The following PTCH1 variants were observed in gnomAD, a reference collection of about 807,000 sequenced individuals.
PTCH1 encodes the protein patched 1, also known as protein patched homolog 1.
Under a neutral mutation model 144.6 loss-of-function variants are expected in PTCH1, and 14 were observed. The observed-to-expected ratio is 0.10, with a 90% CI of 0.06 to 0.15. The LOEUF is 0.15. Among genes scored for constraint, PTCH1 ranks in the 10% least tolerant of loss-of-function variants. The pLI is 1.00. For synonymous variants in PTCH1, 833 were observed against 793.6 expected, an observed-to-expected ratio of 1.05 and a Z score of -0.83; for missense variants, 1,623 against 1,948.3, an observed-to-expected ratio of 0.83 and a Z score of 3.14.
rs1047468351 is a variant in PTCH1, at chr9:95,445,093, C to T, written c.*1300G>A. On this transcript the variant is annotated 3_prime_UTR_variant, in exon 24 of 24. Transcript: ENST00000331920. ...AGCTCTTATCCTACATAATGCCTGC[C>T]TCTACACCACAATGCATGCTCACCA... 1.2e-4 allele frequency: 18 copies of T among 152,096 alleles called. No individual in the cohort carries two copies. The highest frequency in any genetic ancestry group is 4.3e-4 in the African/African-American group (18 of 41,400). 9.4% of individuals were successfully genotyped at this position (152,096 alleles called of 1,614,324 possible).
At chr9:95,510,933 C>T (rs1391440965), upstream of PTCH1, among the ~76,000 whole-genome samples, 2 of 150,584 alleles carry the variant, frequency 1.3e-5, no homozygotes, top group East Asian at 2.0e-4. Context: ...GCCGGGCCGG[C>T]TCCGGGCCTC....
chr9:95,496,375 C>T (rs1451131388), intron 2 of PTCH1, among the ~76,000 whole-genome samples: 1 of 152,044 alleles, frequency 6.6e-6, no homozygotes, highest in African/African-American at 2.4e-5. Context: ...TTATTCAAGT[C>T]AACTGGTTTC....
At chr9:95,494,316 C>T (rs1001139663) in intron 2 of PTCH1, 29 of 985,378 alleles carry the variant, frequency 2.9e-5, no homozygotes, top group Non-Finnish European at 3.0e-5. Flanking sequence ...CCACGCTGGA[C>T]CTGCTGCCTG....
intron 6 of PTCH1, 26 bp downstream of exon 6, chr9:95,480,364 T>C: frequency 6.2e-7 from 1 of 1,609,028 alleles, no homozygotes; most frequent in Non-Finnish European, 8.5e-7. Flanking sequence ...TCCACCCTTC[T>C]GAGAGCGCTC....
intron 1 of PTCH1, chr9:95,507,756 T>G: frequency 8.7e-6 from 2 of 231,078 alleles, no homozygotes; most frequent in Non-Finnish European, 7.5e-6. Context: ...GTACAGGAGT[T>G]TAGGCTGCAA....
upstream of PTCH1, among the ~76,000 whole-genome samples, chr9:95,510,538 T>C (rs374761957): frequency 3.3e-5 from 5 of 152,204 alleles, no homozygotes; most frequent in East Asian, 5.8e-4. Flanking sequence ...AAGTGGAATG[T>C]GTTTTTCTTA....
upstream of PTCH1, among the ~76,000 whole-genome samples, chr9:95,513,576 C>T (rs1048804475): frequency 1.3e-5 from 2 of 152,084 alleles, no homozygotes; most frequent in African/African-American, 2.4e-5. Context: ...TGAGTTGAGT[C>T]GACTCAACTC....
chr9:95,499,099 C>T (rs1210027397), intron 2 of PTCH1, among the ~76,000 whole-genome samples: 3 of 152,086 alleles, frequency 2.0e-5, no homozygotes, highest in Non-Finnish European at 2.9e-5. Flanking sequence ...CCATGCGCCA[C>T]GGTAAGCACA....
upstream of PTCH1, among the ~76,000 whole-genome samples, chr9:95,510,753 G>A (rs1247689105): frequency 1.3e-5 from 2 of 151,232 alleles, no homozygotes; most frequent in African/African-American, 4.9e-5. Context: ...AAGAAAGAAA[G>A]GAAAGGAAAG....
intron 14 of PTCH1, among the ~76,000 whole-genome samples, chr9:95,467,892 C>T (rs1840163393): frequency 6.6e-6 from 1 of 152,154 alleles, no homozygotes; most frequent in Admixed American, 6.5e-5. Flanking sequence ...CAGGCGTGAG[C>T]CACCATGCCC....
rs149398794 is a variant in PTCH1 at position 95,458,031 on chromosome 9, G to A, written c.3150C>T (p.Pro1050=). ...CACTCACAATGATCCCGGCCGTCCA[G>A]GGGTTCAGAAGGAAGACAGCGCACA... ...FLVCAVFLLN[P]WTAGIIVMVL... The change falls in exon 18 of 24, where the codon CCC becomes CCT. Residue 1050 remains proline, a synonymous_variant. Transcript: ENST00000331920. This position sits in a 1 kb window ranked among gnomAD's most constrained non-coding sequence, Gnocchi z 4.7. 360 of 1,614,172 alleles carry A rather than the reference G, an allele frequency of 2.2e-4. No individual in the cohort carries two copies. The highest frequency in any genetic ancestry group is 8.2e-4 in the Middle Eastern group (5 of 6,062).
rs746117249 is a variant in PTCH1, at chr9:95,467,333, T to C, written c.2343A>G (p.Val781=). 1.2e-6 allele frequency: 2 copies of C among 1,614,188 alleles called. No homozygotes were observed. The highest frequency in any genetic ancestry group is 1.1e-5 in the South Asian group (1 of 91,088). Residue 781 remains valine, a synonymous_variant, in exon 15 of 24, where the codon GTA becomes GTG. Transcript: ENST00000331920. ...VRDGLDLTDI[V]PRETREYDFI... is the part of the protein sequence containing the mutation. ...AGTCATATTCTCTGGTTTCCCGAGGTACAATGTCCGTAAGGTCCAGCCCGT... is the reference window on the plus strand; with the variant it reads ...AGTCATATTCTCTGGTTTCCCGAGGCACAATGTCCGTAAGGTCCAGCCCGT...
intron 5 of PTCH1, among the ~76,000 whole-genome samples, chr9:95,481,488 T>TC (rs753222663): frequency 2.0e-5 from 3 of 152,228 alleles, no homozygotes; most frequent in African/African-American, 4.8e-5. Context: ...ATAGTGGATT[T>TC]CCCCCTTAAA....
chr9:95,461,845 A>T lies in PTCH1; in HGVS notation c.2703+11T>A, dbSNP rs754129614. 6.2e-7 allele frequency: 1 copy of T among 1,614,136 alleles called. No homozygotes were observed. The highest frequency in any genetic ancestry group is 8.5e-7 in the Non-Finnish European group (1 of 1,180,012). On this transcript the variant is annotated intron_variant, in intron 16 of 23. Coordinates refer to ENST00000331920, the MANE Select transcript of PTCH1 (RefSeq NM_000264.5). ...CCTGGAAGCGCCCTCAGTGCCCAGC[A>T]GCTGGAGTACCTGGCTGATGTCGAT...
At position 95,516,896 on chromosome 9, in the gene PTCH1, C is replaced by T. The variant is rs562068948; in HGVS notation, c.-425G>A. The stretch of plus-strand genomic sequence containing the variant: ...CACGTGACGGATCCGAAAACTTTAC[C>T]CCTTTACAATAAACTCAAGGAAAGC... On this transcript the variant is annotated 5_prime_UTR_variant, in exon 1 of 23. Coordinates refer to the PTCH1 transcript ENST00000430669. 5 of 1,282,414 alleles carry T rather than the reference C, an allele frequency of 3.9e-6. No homozygotes were observed. The South Asian group carries it at 5.5e-5, about 14-fold the overall frequency. The allele number at this position is 1,282,414 out of a possible 1,614,324, so 79.4% of individuals were successfully genotyped here.
At position 95,475,038 on chromosome 9, in the gene PTCH1, T is replaced by C. The variant is rs115487275; in HGVS notation, c.1728+996A>G. On this transcript the variant is annotated intron_variant, in intron 12 of 23. Transcript: ENST00000331920. ...ATTAATTCACAAAACCCCCACAACA[T>C]CTTGAGATATCAAAACTCCAGGCCA... Among the ~76,000 whole-genome samples the C allele has an allele frequency of 6.5e-3, 996 of 152,252 alleles. 9 individuals carry two copies. Among genetic ancestry groups the C allele is most frequent in the African/African-American group, 0.022 (920 of 41,540 alleles).
At chr9:95,483,535 C>T (rs956189011) in intron 3 of PTCH1, 2 of 152,406 alleles carry the variant, frequency 1.3e-5, no homozygotes, top group Non-Finnish European at 2.9e-5. Context: ...CCTGTGCCTT[C>T]CTGTCTCTCA....
chr9:95,485,178 C>A (rs1416436351), intron 3 of PTCH1, among the ~76,000 whole-genome samples: 1 of 152,008 alleles, frequency 6.6e-6, no homozygotes, highest in Non-Finnish European at 1.5e-5. Flanking sequence ...TGCACTCCAG[C>A]CTGGGCAACA....
chr9:95,494,143 G>T (rs1384215357), intron 2 of PTCH1: 1 of 944,150 alleles, frequency 1.1e-6, no homozygotes, highest in Non-Finnish European at 1.3e-6. Context: ...CTCGCGCGGG[G>T]TTCTGCAACG....
Sources: gnomAD v4.1 joint callset for allele counts (sites outside exome capture counted in the v4.1 genomes callset) on GRCh38, gnomAD v4.1.1 for gene constraint, Gnocchi (gnomAD v3.1) non-coding constraint, MANE v1.5 for transcripts, NCBI Gene and HGNC (gene_info 2026-07-23, HGNC 2026-07-21) for gene names.